MAD1L1: variants seen among roughly 807,000 people sequenced by gnomAD.
MAD1L1 encodes the protein mitotic spindle assembly checkpoint protein MAD1.
A neutral mutation model predicts 96.9 loss-of-function variants in MAD1L1; 95 were observed. The observed-to-expected ratio is 0.98, with a 90% confidence interval of 0.83 to 1.16. The LOEUF is 1.16. Among genes scored for constraint, MAD1L1 ranks in the 50% most tolerant of loss-of-function variants. The probability of loss-of-function intolerance (pLI) is 0.00; values close to 1 mark genes in which losing one functional copy is unlikely to be tolerated. For synonymous variants in MAD1L1, 473 were observed against 396.6 expected (o/e 1.19, Z -2.29); for missense variants, 1,007 against 954.4 (o/e 1.06, Z -0.73).
At chr7:1,871,791 G>C (rs928209315) in intron 18 of MAD1L1, among the ~76,000 whole-genome samples, 5 of 152,144 alleles carry the variant, frequency 3.3e-5, no homozygotes, top group Non-Finnish European at 7.3e-5. Flanking sequence ...CTGAACTCCT[G>C]CACCTGTGAT....
At chr7:2,172,798 T>C (rs1451210279) in intron 10 of MAD1L1, among the ~76,000 whole-genome samples, 2 of 152,152 alleles carry the variant, frequency 1.3e-5, no homozygotes, top group African/African-American at 4.8e-5. Flanking sequence ...GGCTGCCAGG[T>C]CAAGGCTGGA....
chr7:2,090,527 C>T (rs1483889725), intron 11 of MAD1L1, among the ~76,000 whole-genome samples: 1 of 152,230 alleles, frequency 6.6e-6, no homozygotes, highest in African/African-American at 2.4e-5. Context: ...TGGACAGCAC[C>T]AGTGTGTCTG....
At chr7:2,000,481 C>A (rs1297491013) in intron 14 of MAD1L1, among the ~76,000 whole-genome samples, 2 of 152,210 alleles carry the variant, frequency 1.3e-5, no homozygotes, top group Non-Finnish European at 2.9e-5. Flanking sequence ...CACCGCGGAC[C>A]CCGCTTCTGT....
At chr7:2,222,822 C>T in intron 4 of MAD1L1, 68 bp from the exon 5 acceptor site, 1 of 1,274,630 alleles carries the variant, frequency 7.8e-7, no homozygotes, top group Non-Finnish European at 1.1e-6. Flanking sequence ...GCCCTCACCC[C>T]CACACCTCTC....
At chr7:2,140,995 G>C (rs1386948357) in intron 11 of MAD1L1, among the ~76,000 whole-genome samples, 4 of 152,224 alleles carry the variant, frequency 2.6e-5, no homozygotes, top group African/African-American at 9.6e-5. Flanking sequence ...AAACAGTCTG[G>C]GTGTGAAATA....
At position 2,141,034 on chromosome 7, in the gene MAD1L1, G is replaced by T. The variant is rs555127229; in HGVS notation, c.1073+8118C>A. ...ACGGCAGCTCATCTTGCTGAAAGAA[G>T]CAACACAAGCTGGCTAAAGCAGCAG... On this transcript the variant is annotated intron_variant, in intron 11 of 18. Transcript: ENST00000265854. Among the ~76,000 whole-genome samples the T allele has an allele frequency of 5.2e-5, 8 of 152,398 alleles. No homozygotes were observed. The South Asian group carries it at 1.7e-3, about 32-fold the overall frequency.
chr7:2,074,334 A>C (rs1207811899), intron 11 of MAD1L1, among the ~76,000 whole-genome samples: 1 of 151,846 alleles, frequency 6.6e-6, no homozygotes, highest in African/African-American at 2.4e-5. Context: ...CCAAGGACGC[A>C]GTGACTTCAG....
chr7:1,920,913 G>A (rs973138403), intron 17 of MAD1L1, among the ~76,000 whole-genome samples: 71 of 152,192 alleles, frequency 4.7e-4, no homozygotes, highest in African/African-American at 1.6e-3. Context: ...CGGGACATCC[G>A]GTCCAGACAG....
rs74358916 is a variant in MAD1L1 at position 1,942,112 on chromosome 7, C to T, written c.1597-5215G>A. Among the ~76,000 whole-genome samples, 102 of 152,340 alleles carry T rather than the reference C, an allele frequency of 6.7e-4. 2 individuals are homozygous for T. In the East Asian group the frequency reaches 0.019, roughly 28 times the overall value. ...TCTTCCCTTAGTCCATCCACCCGCA[C>T]ACCTGTCTGTCCATCTGACATGATT... is the stretch of plus-strand genomic sequence containing the variant. On this transcript the variant is annotated intron_variant, in intron 16 of 18. Coordinates refer to ENST00000265854, the MANE Select transcript of MAD1L1 (RefSeq NM_001013836.2).
At chr7:1,976,292 A>G (rs767796037) in intron 15 of MAD1L1, among the ~76,000 whole-genome samples, 22 of 152,158 alleles carry the variant, frequency 1.4e-4, no homozygotes, top group Non-Finnish European at 3.2e-4. Flanking sequence ...GTTCTTAAAG[A>G]TGGTGTGTCT....
chr7:2,116,123 GACCTC>G (rs1787677183), intron 11 of MAD1L1, among the ~76,000 whole-genome samples: 2 of 152,224 alleles, frequency 1.3e-5, no homozygotes, highest in African/African-American at 4.8e-5. Flanking sequence ...GCGTGAGCAG[GACCTC>G]ACTGTCCACA....
intron 12 of MAD1L1, among the ~76,000 whole-genome samples, chr7:2,015,279 G>A (rs1017756187): frequency 6.6e-6 from 1 of 152,216 alleles, no homozygotes; most frequent in Admixed American, 6.5e-5. Flanking sequence ...GCTCTGGGCT[G>A]GGGAGCTCCT....
chr7:2,201,731 T>G (rs1792312094), intron 10 of MAD1L1: 1 of 152,254 alleles, frequency 6.6e-6, no homozygotes, highest in African/African-American at 2.4e-5. Flanking sequence ...GTCAGGCACA[T>G]GCAGGGGTGG....
chr7:1,875,094 G>A (rs946220784), intron 18 of MAD1L1, among the ~76,000 whole-genome samples: 5 of 152,154 alleles, frequency 3.3e-5, no homozygotes, highest in Admixed American at 3.3e-4. Flanking sequence ...CAATCCAGGT[G>A]AAGGTCCCTT....
intron 18 of MAD1L1, among the ~76,000 whole-genome samples, chr7:1,821,847 C>T (rs979709400): frequency 2.6e-5 from 4 of 152,214 alleles, no homozygotes; most frequent in Non-Finnish European, 5.9e-5. Flanking sequence ...GTCTGGCCGC[C>T]TTCCCTCATT....
At chr7:2,026,205 C>A (rs1052922711) in intron 12 of MAD1L1, among the ~76,000 whole-genome samples, 1 of 152,062 alleles carries the variant, frequency 6.6e-6, no homozygotes, top group Non-Finnish European at 1.5e-5. Context: ...ATTTAAAAAT[C>A]AAAACAATCC....
intron 17 of MAD1L1, among the ~76,000 whole-genome samples, chr7:1,924,265 C>T (rs1294190479): frequency 6.6e-6 from 1 of 152,192 alleles, no homozygotes; most frequent in African/African-American, 2.4e-5. Context: ...GAGTCCTTCT[C>T]GCGGCAGGGT....
At chr7:2,095,296 G>A (rs1054001936) in intron 11 of MAD1L1, among the ~76,000 whole-genome samples, 6 of 152,064 alleles carry the variant, frequency 3.9e-5, no homozygotes, top group East Asian at 3.9e-4. Context: ...CACCCGCCTC[G>A]GCCTCCCAAA....
chr7:2,202,336 G>A (rs969315969), intron 10 of MAD1L1, among the ~76,000 whole-genome samples: 6 of 152,206 alleles, frequency 3.9e-5, no homozygotes, highest in South Asian at 2.1e-4. Context: ...CACCGTGCTC[G>A]GACGGAGCTG....
Sources: allele counts gnomAD v4.1 joint callset (sites outside exome capture counted in the v4.1 genomes callset), GRCh38; gene constraint gnomAD v4.1.1; transcripts MANE v1.5; gene names NCBI Gene and HGNC (gene_info 2026-07-23, HGNC 2026-07-21).